SLC35F1: variants seen among roughly 807,000 people sequenced by gnomAD.
The protein encoded by SLC35F1 is solute carrier family 35 member F1.
A neutral mutation model predicts 48.7 loss-of-function variants in SLC35F1; 14 were observed. That is an observed-to-expected ratio of 0.29 (90% CI 0.19 to 0.45). SLC35F1 has a LOEUF of 0.45. Ranked by LOEUF, SLC35F1 falls within the 20% of genes least tolerant of loss-of-function variation. SLC35F1 has a pLI of 1.00. For synonymous variants in SLC35F1, 190 were observed against 202.2 expected (o/e 0.94, Z 0.51); for missense variants, 404 against 500.0 (o/e 0.81, Z 1.83).
At chr6:117,907,955 C>T (rs963443210) in intron 1 of SLC35F1, 56 bp downstream of exon 1, 160 of 1,289,038 alleles carry the variant, frequency 1.2e-4, no homozygotes, top group Non-Finnish European at 1.5e-4. Flanking sequence ...GCGCCCGGCT[C>T]CGGGTCCCCT....
At chr6:118,206,705 G>A (rs1239045900) in intron 2 of SLC35F1, among the ~76,000 whole-genome samples, 2 of 152,096 alleles carry the variant, frequency 1.3e-5, no homozygotes, top group Admixed American at 1.3e-4. Flanking sequence ...CTTGAGAGGT[G>A]GGACATTGCC....
intron 1 of SLC35F1, among the ~76,000 whole-genome samples, chr6:117,912,292 C>T (rs1010001961): frequency 2.6e-5 from 4 of 152,072 alleles, no homozygotes; most frequent in Non-Finnish European, 5.9e-5. Flanking sequence ...AACCAAAGAT[C>T]GTTAAGGATA....
intron 1 of SLC35F1, among the ~76,000 whole-genome samples, chr6:117,939,465 G>A (rs538939123): frequency 1.1e-3 from 169 of 152,292 alleles, no homozygotes; most frequent in African/African-American, 3.8e-3. Context: ...TGTTTAAACA[G>A]CAAGTTAAGG....
chr6:118,124,684 T>A (rs960892757), intron 1 of SLC35F1, among the ~76,000 whole-genome samples: 12 of 152,290 alleles, frequency 7.9e-5, no homozygotes, highest in Middle Eastern at 3.4e-3. Context: ...GTAAACCTGA[T>A]GAGAGTCGCA....
At chr6:118,230,377 T>C (rs1775276821) in intron 2 of SLC35F1, among the ~76,000 whole-genome samples, 2 of 152,024 alleles carry the variant, frequency 1.3e-5, no homozygotes, top group Admixed American at 6.6e-5. Context: ...ATATATGTCT[T>C]TTACTGCATT....
At chr6:118,240,127 G>T (rs1775418144) in intron 3 of SLC35F1, among the ~76,000 whole-genome samples, 1 of 152,184 alleles carries the variant, frequency 6.6e-6, no homozygotes, top group Non-Finnish European at 1.5e-5. Context: ...GTTACTGCAG[G>T]TGATATAAAG....
intron 1 of SLC35F1, among the ~76,000 whole-genome samples, chr6:118,066,657 G>A (rs142775432): frequency 5.2e-4 from 79 of 151,152 alleles, no homozygotes; most frequent in Non-Finnish European, 9.1e-4. Flanking sequence ...GAGGTAATTT[G>A]TTTTGCAGCA....
chr6:118,116,243 GCTGGC>G (rs1436364130), intron 1 of SLC35F1, among the ~76,000 whole-genome samples: 1 of 152,196 alleles, frequency 6.6e-6, no homozygotes, highest in Non-Finnish European at 1.5e-5. Flanking sequence ...ACAAAAGAGA[GCTGGC>G]CTGCTACTCA....
intron 3 of SLC35F1, among the ~76,000 whole-genome samples, chr6:118,242,259 C>A (rs1362515213): frequency 2.0e-5 from 3 of 152,178 alleles, no homozygotes; most frequent in South Asian, 4.1e-4. Flanking sequence ...TTATTTTTGG[C>A]AACCTAAAAG....
intron 1 of SLC35F1, among the ~76,000 whole-genome samples, chr6:117,941,693 A>G (rs893210286): frequency 3.3e-5 from 5 of 152,242 alleles, no homozygotes; most frequent in African/African-American, 1.2e-4. Flanking sequence ...TTAAGAAACA[A>G]ATTCATTCCA....
At chr6:118,195,099 C>CCTAGGAAATCAGACAGAAGTGCAGA (rs1774783740) in intron 2 of SLC35F1, among the ~76,000 whole-genome samples, 7 of 152,156 alleles carry the variant, frequency 4.6e-5, no homozygotes, top group Non-Finnish European at 1.0e-4. Context: ...CCCGGTTGGG[C>CCTAGGAAATCAGACAGAAGTGCAGA]CTTGTCATCT....
chr6:118,077,155 T>C (rs13209070), intron 1 of SLC35F1, among the ~76,000 whole-genome samples: 22,106 of 152,194 alleles, frequency 0.15, 2,144 homozygotes, highest in Admixed American at 0.27. Flanking sequence ...CAGACAACAA[T>C]ACTAGCAAGA....
intron 2 of SLC35F1, among the ~76,000 whole-genome samples, chr6:118,176,206 C>A (rs1254714539): frequency 6.6e-6 from 1 of 152,076 alleles, no homozygotes; most frequent in African/African-American, 2.4e-5. Context: ...TAGAGGCACA[C>A]CCCACGCACA....
intron 1 of SLC35F1, among the ~76,000 whole-genome samples, chr6:117,959,324 T>G (rs76230094): frequency 6.6e-6 from 1 of 152,198 alleles, no homozygotes; most frequent in South Asian, 2.1e-4. Flanking sequence ...CCTAGTTCTC[T>G]TGTTAGGACT....
chr6:118,139,302 T>C (rs567580328), intron 1 of SLC35F1, among the ~76,000 whole-genome samples: 159 of 152,134 alleles, frequency 1.0e-3, no homozygotes, highest in Non-Finnish European at 1.7e-3. Flanking sequence ...TTAGTAGAGA[T>C]GGGGTTTCAC....
chr6:118,218,061 T>A (rs951540131), intron 2 of SLC35F1, among the ~76,000 whole-genome samples: 3 of 152,062 alleles, frequency 2.0e-5, no homozygotes, highest in African/African-American at 7.2e-5. Context: ...AGAATGCAAG[T>A]CTTGGGATTT....
chr6:118,290,052 A>G (rs1375889716), intron 7 of SLC35F1, among the ~76,000 whole-genome samples: 1 of 152,218 alleles, frequency 6.6e-6, no homozygotes, highest in African/African-American at 2.4e-5. Flanking sequence ...TCCACCCAGT[A>G]GTGAGAATCA....
chr6:118,182,504 A>G (rs12191017), intron 2 of SLC35F1, among the ~76,000 whole-genome samples: 31 of 90,760 alleles, frequency 3.4e-4, no homozygotes, highest in East Asian at 1.9e-3. Context: ...AAAAAAAAGA[A>G]AGAGAGAGAG....
At chr6:117,985,727 A>G (rs1003713322) in intron 1 of SLC35F1, among the ~76,000 whole-genome samples, 6 of 152,236 alleles carry the variant, frequency 3.9e-5, no homozygotes, top group Admixed American at 3.9e-4. Flanking sequence ...AAGTCTTTCA[A>G]TTAGTGAAGA....
Sources: allele counts gnomAD v4.1 joint callset (sites outside exome capture counted in the v4.1 genomes callset), GRCh38; gene constraint gnomAD v4.1.1; transcripts MANE v1.5; gene names NCBI Gene and HGNC (gene_info 2026-07-23, HGNC 2026-07-21).